CYS1: variants seen among roughly 807,000 people sequenced by gnomAD.
The protein encoded by CYS1 is cystin 1, also known as cystin-1.
In CYS1, 5 loss-of-function variants were observed where a neutral mutation model predicts 9.6. The ratio of observed to expected loss-of-function variants is 0.52; its 90% CI spans 0.27 to 1.10. The LOEUF is 1.10. Ranked by LOEUF, CYS1 falls within the 50% of genes least tolerant of loss-of-function variation. The pLI, the probability that CYS1 is intolerant of heterozygous loss-of-function variation, is 0.11. For missense variants in CYS1, 221 were observed against 207.9 expected (o/e 1.06, Z -0.39); for synonymous variants, 88 against 95.7 (o/e 0.92, Z 0.47).
chr2:10,066,118 T>C (rs1032164620), intron 1 of CYS1, among the ~76,000 whole-genome samples, 162 bp from the exon 2 acceptor site: 7 of 152,328 alleles, frequency 4.6e-5, no homozygotes, highest in African/African-American at 1.7e-4. Context: ...ATCCACTCAT[T>C]GCACAGGCAA....
chr2:10,064,862 T>C (rs1572455635), intron 2 of CYS1, among the ~76,000 whole-genome samples: 1 of 151,258 alleles, frequency 6.6e-6, no homozygotes, highest in South Asian at 2.1e-4. Flanking sequence ...GGATTACAGG[T>C]GCGCACCACT....
intron 2 of CYS1, among the ~76,000 whole-genome samples, chr2:10,064,479 T>TC (rs1661668106): frequency 6.6e-6 from 1 of 151,828 alleles, no homozygotes; most frequent in Non-Finnish European, 1.5e-5. Context: ...CCTCACTACC[T>TC]CCCCCTCTGC....
intron 2 of CYS1, among the ~76,000 whole-genome samples, chr2:10,064,791 C>T (rs1473553894): frequency 2.0e-5 from 3 of 152,176 alleles, no homozygotes; most frequent in Admixed American, 2.0e-4. Flanking sequence ...GATCTTGGCT[C>T]ACTGCAACCT....
At chr2:10,065,823 GA>G in intron 2 of CYS1, 80 bp downstream of exon 2, 1 of 1,394,674 alleles carries the variant, frequency 7.2e-7, no homozygotes. Context: ...GAAAGTGGGG[GA>G]CAGGAGGGCT....
rs1661560741 is a variant in CYS1 at position 10,057,048 on chromosome 2, T to G, written c.*1805A>C. 1 of 152,238 alleles carries G rather than the reference T, an allele frequency of 6.6e-6. No homozygotes were observed. The highest frequency in any genetic ancestry group is 1.5e-5 in the Non-Finnish European group (1 of 68,046). The allele number at this position is 152,238 out of a possible 1,614,324, so 9.4% of individuals were successfully genotyped here. On this transcript the variant is annotated 3_prime_UTR_variant, in exon 3 of 3. Transcript: ENST00000381813. ...GATCTCATTAAGGGTATTACACCTTTTCCACCAGAAAATGCAGAGGTATCA... is the reference window on the plus strand; with the variant it reads ...GATCTCATTAAGGGTATTACACCTTGTCCACCAGAAAATGCAGAGGTATCA...
At chr2:10,059,474 A>G (rs10165255) in intron 2 of CYS1, among the ~76,000 whole-genome samples, 90,069 of 152,128 alleles carry the variant, frequency 0.59, 27,277 homozygotes, top group East Asian at 0.84. Context: ...AGGTGGGCAG[A>G]TCACTTGAGG....
intron 2 of CYS1, among the ~76,000 whole-genome samples, chr2:10,060,077 G>A (rs988012692): frequency 1.3e-5 from 2 of 152,246 alleles, no homozygotes; most frequent in Admixed American, 6.5e-5. Context: ...ATGAAGCCTC[G>A]GTCAGGCTGG....
intron 1 of CYS1, among the ~76,000 whole-genome samples, chr2:10,074,041 G>A (rs1661811483): frequency 6.6e-6 from 1 of 152,208 alleles, no homozygotes; most frequent in East Asian, 1.9e-4. Flanking sequence ...ACTCCAGAGA[G>A]GACAATTCTT....
chr2:10,069,751 C>T (rs1011288043), intron 1 of CYS1, among the ~76,000 whole-genome samples: 1 of 152,104 alleles, frequency 6.6e-6, no homozygotes, highest in Non-Finnish European at 1.5e-5. Flanking sequence ...GCAGAGGAAA[C>T]TTTGGATAAT....
At chr2:10,065,026 G>A (rs1336385115) in intron 2 of CYS1, among the ~76,000 whole-genome samples, 1 of 152,056 alleles carries the variant, frequency 6.6e-6, no homozygotes, top group East Asian at 1.9e-4. Context: ...ATAGGCGTGA[G>A]CCACTGGGTC....
At chr2:10,060,520 C>T (rs578050028) in intron 2 of CYS1, among the ~76,000 whole-genome samples, 2 of 152,228 alleles carry the variant, frequency 1.3e-5, no homozygotes, top group Admixed American at 1.3e-4. Flanking sequence ...TCCCCTGTCC[C>T]GGAGACGTCA....
intron 1 of CYS1, among the ~76,000 whole-genome samples, chr2:10,073,497 G>A (rs1661802602): frequency 6.6e-6 from 1 of 152,206 alleles, no homozygotes; most frequent in African/African-American, 2.4e-5. Flanking sequence ...TTAAGCTCAA[G>A]TCATCTCGGA....
At chr2:10,071,364 G>C (rs1014811851) in intron 1 of CYS1, among the ~76,000 whole-genome samples, 10 of 152,226 alleles carry the variant, frequency 6.6e-5, no homozygotes, top group Non-Finnish European at 1.3e-4. Context: ...TGAAAGGGCA[G>C]CGGGACCCTT....
At chr2:10,079,860 G>A (rs951568513) in intron 1 of CYS1, 46 bp downstream of exon 1, 1 of 1,064,362 alleles carries the variant, frequency 9.4e-7, no homozygotes, top group East Asian at 5.6e-5. Context: ...CGGCCGGTGA[G>A]TGGGGTCCCC....
At chr2:10,069,381 GT>G (rs1362754726) in intron 1 of CYS1, among the ~76,000 whole-genome samples, 4 of 152,234 alleles carry the variant, frequency 2.6e-5, no homozygotes, top group African/African-American at 9.6e-5. Context: ...TGTTGTTGTT[GT>G]TTTTTGCGAC....
chr2:10,065,869 G>T, intron 2 of CYS1, 35 bp downstream of exon 2: 1 of 1,612,198 alleles, frequency 6.2e-7, no homozygotes, highest in Non-Finnish European at 8.5e-7. Flanking sequence ...AAGAACCCGT[G>T]GCTTCTGGGA....
rs577028481 is a variant in CYS1 at position 10,071,709 on chromosome 2, T to G, written c.319-5753A>C. 7.9e-5 allele frequency among the ~76,000 whole-genome samples: 12 copies of G among 152,326 alleles called. No individual in the cohort carries two copies. In the East Asian group the frequency reaches 2.3e-3, roughly 29 times the overall value. On this transcript the variant is annotated intron_variant, in intron 1 of 2. Coordinates refer to ENST00000381813, the MANE Select transcript of CYS1 (RefSeq NM_001037160.3). ...CTGAAGCAGCCAGGAGGAGCTGGTA[T>G]GAAAAGCAAAGACACAGCAGCCCCA... is the stretch of plus-strand genomic sequence containing the variant.
Position 10,080,218 on chromosome 2 carries a change from GC to G in CYS1, c.5del (p.Gly2AlafsTer11). On this transcript the variant is annotated frameshift_variant, in exon 1 of 3. Coordinates refer to ENST00000381813, the MANE Select transcript of CYS1 (RefSeq NM_001037160.3). LOFTEE classifies it high-confidence loss of function. The surrounding 1 kb of genome is among the most constrained non-coding windows in gnomAD (Gnocchi z 6.4). ...TCCGGCTGCTCCGGCTGCTGCCGCTGCCCATGGCGCGCCCGCCGCCTCCCGG... is the reference window on the plus strand; with the variant it reads ...TCCGGCTGCTCCGGCTGCTGCCGCTGCCATGGCGCGCCCGCCGCCTCCCGG... M[G>X]SGSSRSSRTL... 1 of 1,053,502 alleles carries G rather than the reference GC, an allele frequency of 9.5e-7. No individual in the cohort carries two copies. Among genetic ancestry groups the G allele is most frequent in the Non-Finnish European group, 1.1e-6 (1 of 878,252 alleles). 65.3% of individuals were successfully genotyped at this position (1,053,502 alleles called of 1,614,324 possible).
chr2:10,058,629 C>A lies in CYS1; in HGVS notation c.*224G>T. On this transcript the variant is annotated 3_prime_UTR_variant, in exon 3 of 3. Transcript: ENST00000381813. Reference sequence around the variant, plus strand: ...GAGGCGCCGGCGGCCCAGGCCCACGCACCTGTGGGTCTACACAGCTAATCG... The same window carrying A: ...GAGGCGCCGGCGGCCCAGGCCCACGAACCTGTGGGTCTACACAGCTAATCG... The A allele has an allele frequency of 4.5e-6, 2 of 443,856 alleles. No individual in the cohort carries two copies. Among genetic ancestry groups the A allele is most frequent in the South Asian group, 5.0e-5 (1 of 19,852 alleles). The allele number at this position is 443,856 out of a possible 1,614,324, so 27.5% of individuals were successfully genotyped here.
Sources: gnomAD v4.1 joint callset for allele counts (sites outside exome capture counted in the v4.1 genomes callset) on GRCh38, gnomAD v4.1.1 for gene constraint, Gnocchi (gnomAD v3.1) non-coding constraint, MANE v1.5 for transcripts, NCBI Gene and HGNC (gene_info 2026-07-23, HGNC 2026-07-21) for gene names.